The following EYA2 variants were observed in gnomAD, a reference collection of about 807,000 sequenced individuals.
The protein encoded by EYA2 is protein phosphatase EYA2.
A neutral mutation model predicts 69.2 loss-of-function variants in EYA2; 31 were observed. The ratio of observed to expected loss-of-function variants is 0.45; its 90% CI spans 0.34 to 0.60. The LOEUF (loss-of-function observed/expected upper bound fraction) is 0.60, where lower values mean the gene tolerates loss of function less well. Among genes scored for constraint, EYA2 ranks in the 20% least tolerant of loss-of-function variants. EYA2 has a pLI of 0.02. For missense variants in EYA2, 622 were observed against 701.2 expected (o/e 0.89, Z 1.28); for synonymous variants, 257 against 279.4 (o/e 0.92, Z 0.80).
At chr20:46,933,924 A>G (rs969400527) in intron 1 of EYA2, among the ~76,000 whole-genome samples, 2 of 152,206 alleles carry the variant, frequency 1.3e-5, no homozygotes, top group Non-Finnish European at 2.9e-5. Flanking sequence ...TGAATGAATG[A>G]ATTTACCCCA....
chr20:46,934,458 T>C (rs1178292635), intron 1 of EYA2, among the ~76,000 whole-genome samples: 1 of 152,030 alleles, frequency 6.6e-6, no homozygotes, highest in Non-Finnish European at 1.5e-5. Flanking sequence ...TCTCCCAGAA[T>C]TCAAGGATTG....
chr20:47,169,525 A>T (rs942764527), intron 11 of EYA2, among the ~76,000 whole-genome samples: 4 of 151,904 alleles, frequency 2.6e-5, no homozygotes, highest in African/African-American at 9.7e-5. Flanking sequence ...AAAAATCACA[A>T]CCTCACCCCT....
At chr20:47,138,157 T>TA (rs201474537) in intron 9 of EYA2, among the ~76,000 whole-genome samples, 116 of 144,628 alleles carry the variant, frequency 8.0e-4, no homozygotes, top group Admixed American at 3.9e-3. Context: ...AACTAAAAAT[T>TA]AAAAAAAAAA....
At chr20:47,163,895 A>G (rs1010334567) in intron 10 of EYA2, among the ~76,000 whole-genome samples, 1 of 152,030 alleles carries the variant, frequency 6.6e-6, no homozygotes, top group Non-Finnish European at 1.5e-5. Flanking sequence ...CAGAAAGTAA[A>G]AATCCCTCGA....
intron 1 of EYA2, among the ~76,000 whole-genome samples, chr20:46,942,763 T>A (rs974723293): frequency 1.3e-5 from 2 of 152,070 alleles, no homozygotes; most frequent in Admixed American, 1.3e-4. Context: ...GTTTTGTTTT[T>A]TGTTTGTTTA....
chr20:47,041,548 G>A (rs2146416745), intron 5 of EYA2, among the ~76,000 whole-genome samples: 2 of 152,348 alleles, frequency 1.3e-5, no homozygotes, highest in African/African-American at 4.8e-5. Context: ...CCAACGGTCT[G>A]TTCTGGTCTG....
intron 5 of EYA2, among the ~76,000 whole-genome samples, chr20:47,040,428 C>G (rs1297395965): frequency 3.3e-5 from 5 of 152,214 alleles, no homozygotes; most frequent in Non-Finnish European, 5.9e-5. Context: ...CAGTCTGAGC[C>G]TCAGTTTTCT....
chr20:46,896,900 T>G (rs1568656291), intron 1 of EYA2, among the ~76,000 whole-genome samples: 3 of 152,238 alleles, frequency 2.0e-5, no homozygotes, highest in African/African-American at 7.2e-5. Flanking sequence ...CCTGGTGTTG[T>G]GACCATGTGT....
chr20:46,964,708 C>T lies in EYA2; in HGVS notation c.-10-25293C>T, dbSNP rs554868354. ...CATTGGTAAGTACTGTTAGGATTCC[C>T]GTTTCACAGATGAGGAAACTGAGAC... On this transcript the variant is annotated intron_variant, in intron 1 of 15. Transcript: ENST00000327619. Among the ~76,000 whole-genome samples, 25 of 152,264 alleles carry T rather than the reference C, an allele frequency of 1.6e-4. No individual in the cohort carries two copies. The East Asian group carries it at 4.6e-3, about 28-fold the overall frequency.
At chr20:47,128,667 C>T (rs2033260257) in intron 9 of EYA2, among the ~76,000 whole-genome samples, 1 of 152,010 alleles carries the variant, frequency 6.6e-6, no homozygotes, top group South Asian at 2.1e-4. Context: ...GTTAGACAGT[C>T]CTAGATTTGA....
chr20:47,044,456 A>C (rs759451205), intron 5 of EYA2, among the ~76,000 whole-genome samples: 5 of 152,168 alleles, frequency 3.3e-5, no homozygotes, highest in Admixed American at 6.5e-5. Flanking sequence ...TAATAGAATA[A>C]ATAAGTACAT....
At chr20:47,170,145 T>C (rs1307216322) in intron 11 of EYA2, among the ~76,000 whole-genome samples, 2 of 151,540 alleles carry the variant, frequency 1.3e-5, no homozygotes, top group Non-Finnish European at 2.9e-5. Context: ...TAACCTCAAG[T>C]GATCTACCCA....
chr20:47,125,945 A>C (rs565465586), intron 9 of EYA2, among the ~76,000 whole-genome samples: 6 of 152,150 alleles, frequency 3.9e-5, no homozygotes, highest in Non-Finnish European at 8.8e-5. Context: ...GTGCTGAAGC[A>C]CATGTGTCCT....
At chr20:47,153,744 A>G (rs1183255419) in intron 10 of EYA2, among the ~76,000 whole-genome samples, 1 of 151,932 alleles carries the variant, frequency 6.6e-6, no homozygotes, top group African/African-American at 2.4e-5. Flanking sequence ...GCATGGCTGT[A>G]TCCGGGTGAG....
chr20:47,150,737 G>A (rs762470625), intron 10 of EYA2, among the ~76,000 whole-genome samples: 7 of 152,152 alleles, frequency 4.6e-5, no homozygotes, highest in Admixed American at 3.3e-4. Flanking sequence ...AAACTGCTGG[G>A]ATTACAGGCA....
At chr20:46,959,839 G>A (rs1979364796) in intron 1 of EYA2, among the ~76,000 whole-genome samples, 1 of 152,086 alleles carries the variant, frequency 6.6e-6, no homozygotes, top group African/African-American at 2.4e-5. Context: ...TCCTGCACCT[G>A]GCCGGCCAGC....
intron 1 of EYA2, among the ~76,000 whole-genome samples, chr20:46,916,456 TTGTG>T (rs1244371183): frequency 2.6e-5 from 4 of 151,518 alleles, no homozygotes; most frequent in Non-Finnish European, 4.4e-5. Flanking sequence ...GTGTGTGAGT[TTGTG>T]TGTGTGTGTA....
chr20:47,153,578 T>G (rs2146617358), intron 10 of EYA2, among the ~76,000 whole-genome samples: 1 of 151,836 alleles, frequency 6.6e-6, no homozygotes, highest in Middle Eastern at 3.4e-3. Flanking sequence ...CAATTGAGCC[T>G]GGGAGGTTGA....
chr20:47,185,743 C>T (rs2034627205), intron 15 of EYA2, among the ~76,000 whole-genome samples: 1 of 152,168 alleles, frequency 6.6e-6, no homozygotes, highest in African/African-American at 2.4e-5. Flanking sequence ...GAGAGCTGTT[C>T]CCATAGGAGA....
Sources: allele counts gnomAD v4.1 joint callset (sites outside exome capture counted in the v4.1 genomes callset), GRCh38; gene constraint gnomAD v4.1.1; transcripts MANE v1.5; gene names NCBI Gene and HGNC (gene_info 2026-07-23, HGNC 2026-07-21).